Variants in DNAH5 observed in about 807,000 individuals in gnomAD.
The protein encoded by DNAH5 is axonemal beta dynein heavy chain 5.
A neutral mutation model predicts 518.2 loss-of-function variants in DNAH5; 372 were observed. The observed-to-expected ratio is 0.72, with a 90% confidence interval of 0.66 to 0.78. DNAH5 has a LOEUF of 0.78. DNAH5 is among the 30% of genes least tolerant of loss of function. The pLI is 0.00. For missense variants in DNAH5, 5,523 were observed against 5,687.0 expected (o/e 0.97, Z 0.93); for synonymous variants, 2,039 against 2,025.9 (o/e 1.01, Z -0.17).
rs151274810 is a variant in DNAH5 at position 13,871,628 on chromosome 5, G to A, written c.3534C>T (p.Asn1178=). The change falls in exon 23 of 79, where the codon AAC becomes AAT. Residue 1178 remains asparagine (N), a synonymous_variant. Transcript: ENST00000265104. ...EFESQILYFQ[N]LEQEINAEPE... ...GCTCAGCATTAATTTCCTGCTCTAG[G>A]TTTTGGAAATAGAGAATCTGGGACT... The A allele has an allele frequency of 5.2e-4, 844 of 1,613,772 alleles. No individual in the cohort carries two copies. Among genetic ancestry groups the A allele is most frequent in the Non-Finnish European group, 6.7e-4 (787 of 1,179,776 alleles).
chr5:13,691,892 C>G lies in DNAH5; in HGVS notation c.*92G>C. 1 of 1,528,294 alleles carries G rather than the reference C, an allele frequency of 6.5e-7. No homozygotes were observed. Among genetic ancestry groups the G allele is most frequent in the Non-Finnish European group, 9.0e-7 (1 of 1,105,116 alleles). The allele number at this position is 1,528,294 out of a possible 1,614,324, so 94.7% of individuals were successfully genotyped here. On this transcript the variant is annotated 3_prime_UTR_variant, in exon 79 of 79. Coordinates refer to ENST00000265104, the MANE Select transcript of DNAH5 (RefSeq NM_001369.3). ...CTCATTAATTGCATAAACGACCTAA[C>G]ATACACTGTCCAGCAGTCATACAGA...
chr5:13,835,512 C>G (rs868217415), intron 35 of DNAH5, among the ~76,000 whole-genome samples: 3 of 152,160 alleles, frequency 2.0e-5, no homozygotes, highest in Non-Finnish European at 2.9e-5. Context: ...CTTGTCACCA[C>G]GTGCGCCAAG....
chr5:13,901,584 T>C lies in DNAH5; in HGVS notation c.1731-11A>G, dbSNP rs544581376. 7 of 1,571,070 alleles carry C rather than the reference T, an allele frequency of 4.5e-6. No homozygotes were observed. Among genetic ancestry groups the C allele is most frequent in the Non-Finnish European group, 6.1e-6 (7 of 1,147,686 alleles). Reference sequence around the variant, plus strand: ...TTAGGTATATTCAATCTGATTTTTTTAAAAAGTTAAAAGCTTGAATTAATG... The same window carrying C: ...TTAGGTATATTCAATCTGATTTTTTCAAAAAGTTAAAAGCTTGAATTAATG... On this transcript the variant is annotated splice_polypyrimidine_tract_variant and intron_variant, in intron 13 of 78. Transcript: ENST00000265104.
At chr5:13,982,757 A>T (rs1044835582) in intron 1 of DNAH5, among the ~76,000 whole-genome samples, 1 of 151,772 alleles carries the variant, frequency 6.6e-6, no homozygotes, top group Non-Finnish European at 1.5e-5. Context: ...CATTGCTTTC[A>T]TCATCATTTT....
intron 12 of DNAH5, 117 bp downstream of exon 12, chr5:13,911,269 G>A (rs979674183): frequency 1.8e-5 from 14 of 788,538 alleles, no homozygotes; most frequent in South Asian, 5.8e-5. Context: ...GGTTGCTATC[G>A]GTCACCTCCA....
rs867501586 is a variant in DNAH5 at position 13,920,611 on chromosome 5, G to A, written c.667C>T (p.Leu223Phe). 6.2e-7 allele frequency: 1 copy of A among 1,613,900 alleles called. No individual in the cohort carries two copies. The highest frequency in any genetic ancestry group is 1.3e-5 in the African/African-American group (1 of 74,898). Residue 223 changes from leucine (L) to phenylalanine (F), a missense_variant, in exon 6 of 79, where the codon CTT (leucine) becomes TTT (phenylalanine). Transcript: ENST00000265104. The part of the protein sequence containing the change: ...AQESLKEKVN[L>F]RKCDILELKT... The stretch of plus-strand genomic sequence containing the variant: ...AGTTCAAGTATGTCACACTTTCGAA[G>A]GTTCACCTAATTAGAATGAAAATTA...
chr5:13,904,936 G>T (rs1775102923), intron 12 of DNAH5, among the ~76,000 whole-genome samples: 1 of 151,656 alleles, frequency 6.6e-6, no homozygotes, highest in African/African-American at 2.4e-5. Context: ...ATGAAAGAAA[G>T]AAAGAAATAG....
intron 34 of DNAH5, 42 bp downstream of exon 34, chr5:13,840,864 T>G: frequency 6.6e-7 from 1 of 1,525,666 alleles, no homozygotes; most frequent in South Asian, 1.1e-5. Flanking sequence ...GTGTCTAGAA[T>G]TTGTTTTTCT....
At chr5:13,827,985 TG>T (rs1452944130) in intron 38 of DNAH5, among the ~76,000 whole-genome samples, 1 of 152,234 alleles carries the variant, frequency 6.6e-6, no homozygotes, top group East Asian at 1.9e-4. Context: ...CCAGCCATGC[TG>T]AAGTGTGATT....
Position 13,837,274 on chromosome 5 carries a change from G to C in DNAH5, c.5882+2082C>G, listed in dbSNP as rs187321696. 5.9e-5 allele frequency among the ~76,000 whole-genome samples: 9 copies of C among 152,322 alleles called. No individual in the cohort carries two copies. In the East Asian group the frequency reaches 1.7e-3, roughly 29 times the overall value. On this transcript the variant is annotated intron_variant, in intron 35 of 78. Transcript: ENST00000265104. Reference sequence around the variant, plus strand: ...AATGAAGTGAGTTGAAGAAAAACAAGGTGGAGAGAAACTGTGCTTTTGAGG... The same window carrying C: ...AATGAAGTGAGTTGAAGAAAAACAACGTGGAGAGAAACTGTGCTTTTGAGG...
At chr5:13,763,677 G>A (rs923168884) in intron 59 of DNAH5, among the ~76,000 whole-genome samples, 2 of 152,260 alleles carry the variant, frequency 1.3e-5, no homozygotes, top group Non-Finnish European at 2.9e-5. Context: ...ACAAACCTTC[G>A]CAGAACACAT....
At chr5:13,776,782 G>A in intron 54 of DNAH5, 76 bp from the exon 55 acceptor site, 1 of 1,514,182 alleles carries the variant, frequency 6.6e-7, no homozygotes, top group Non-Finnish European at 9.1e-7. Context: ...TTAATACACA[G>A]AATGTCTTTT....
chr5:14,001,805 A>T (rs1446926312), intron 1 of DNAH5, among the ~76,000 whole-genome samples: 1 of 152,112 alleles, frequency 6.6e-6, no homozygotes, highest in Non-Finnish European at 1.5e-5. Flanking sequence ...TGTGTAAGGC[A>T]GATGTTGCCC....
chr5:13,886,286 C>T (rs191471835), intron 17 of DNAH5, among the ~76,000 whole-genome samples, 157 bp from the exon 18 acceptor site: 92 of 152,282 alleles, frequency 6.0e-4, no homozygotes, highest in Middle Eastern at 3.4e-3. Context: ...ATAGCACAGG[C>T]CAGGTGTCCT....
intron 24 of DNAH5, among the ~76,000 whole-genome samples, chr5:13,870,001 G>A (rs1419018250): frequency 6.6e-6 from 1 of 151,818 alleles, no homozygotes; most frequent in Non-Finnish European, 1.5e-5. Flanking sequence ...TATGTATGTT[G>A]ATAATATTAT....
rs1436338480 is a variant in DNAH5, at chr5:13,871,595, A to C, written c.3567T>G (p.Tyr1189Ter). The C allele has an allele frequency of 6.2e-7, 1 of 1,613,640 alleles. No homozygotes were observed. The highest frequency in any genetic ancestry group is 1.3e-5 in the African/African-American group (1 of 74,900). Reference sequence around the variant, plus strand: ...ACAGAGCAATGGAACCCACACAGACATATTCAGGCTCAGCATTAATTTCCT... The same window carrying C: ...ACAGAGCAATGGAACCCACACAGACCTATTCAGGCTCAGCATTAATTTCCT... The part of the protein sequence containing the change: ...LEQEINAEPE[Y>*]VCVGSIALYT... The change falls in exon 23 of 79, where the codon TAT becomes TAG. Residue 1189 changes from tyrosine (Y) to a stop codon, truncating the protein, a stop_gained. Coordinates refer to ENST00000265104, the MANE Select transcript of DNAH5 (RefSeq NM_001369.3). LOFTEE classifies it high-confidence loss of function.
At chr5:13,979,975 G>A (rs1263870997) in intron 1 of DNAH5, among the ~76,000 whole-genome samples, 1 of 151,934 alleles carries the variant, frequency 6.6e-6, no homozygotes, top group Non-Finnish European at 1.5e-5. Flanking sequence ...GAGCAGCTGG[G>A]ACTACAGGCA....
chr5:13,906,138 T>G (rs1775258346), intron 12 of DNAH5, among the ~76,000 whole-genome samples: 1 of 152,250 alleles, frequency 6.6e-6, no homozygotes, highest in Non-Finnish European at 1.5e-5. Context: ...CACAGGGGAC[T>G]TTTCGGTAGG....
intron 59 of DNAH5, among the ~76,000 whole-genome samples, chr5:13,764,822 G>A (rs1752289988): frequency 6.6e-6 from 1 of 152,166 alleles, no homozygotes; most frequent in East Asian, 1.9e-4. Context: ...CAAACAAAAT[G>A]AAGCATATTA....
Sources: allele counts gnomAD v4.1 joint callset (sites outside exome capture counted in the v4.1 genomes callset), GRCh38; gene constraint gnomAD v4.1.1; transcripts MANE v1.5; gene names NCBI Gene and HGNC (gene_info 2026-07-23, HGNC 2026-07-21).